EYS: variants seen among roughly 807,000 people sequenced by gnomAD.
EYS encodes EGF-like photoreceptor maintenance factor.
A neutral mutation model predicts 282.1 loss-of-function variants in EYS; 250 were observed. That is an observed-to-expected ratio of 0.89 (90% confidence interval 0.80 to 0.98). EYS has a LOEUF of 0.98. EYS is among the 50% of genes least tolerant of loss of function. The pLI is 0.00. For missense variants in EYS, 4,016 were observed against 3,709.0 expected (o/e 1.08, Z -2.15); for synonymous variants, 1,355 against 1,282.9 (o/e 1.06, Z -1.20).
At chr6:64,373,515 C>G (rs1281407292) in intron 29 of EYS, among the ~76,000 whole-genome samples, 1 of 152,166 alleles carries the variant, frequency 6.6e-6, no homozygotes, top group African/African-American at 2.4e-5. Flanking sequence ...GAATTGGGAC[C>G]ACTGGGTTGG....
chr6:64,690,803 G>A (rs1770353759), intron 22 of EYS, among the ~76,000 whole-genome samples: 2 of 151,962 alleles, frequency 1.3e-5, no homozygotes, highest in South Asian at 4.2e-4. Context: ...CAAAGGATGG[G>A]GAACATCACA....
intron 7 of EYS, among the ~76,000 whole-genome samples, chr6:65,391,628 T>A (rs940450271): frequency 3.3e-5 from 5 of 152,056 alleles, no homozygotes; most frequent in Non-Finnish European, 5.9e-5. Context: ...GTGAAGGACC[T>A]CTTCAAGGAG....
chr6:65,618,058 G>T (rs1392362650), intron 2 of EYS, among the ~76,000 whole-genome samples: 7 of 152,096 alleles, frequency 4.6e-5, no homozygotes, highest in African/African-American at 1.4e-4. Context: ...AGTCCTTTGG[G>T]TATATACCCA....
intron 16 of EYS, among the ~76,000 whole-genome samples, chr6:64,905,464 A>C (rs1049774329): frequency 7.9e-5 from 12 of 152,182 alleles, no homozygotes; most frequent in South Asian, 4.1e-4. Flanking sequence ...ATAAAAGTGA[A>C]GCTTCTTAAA....
At chr6:64,808,084 C>CTCCCTTCCCTTCT (rs1022120035) in intron 22 of EYS, among the ~76,000 whole-genome samples, 2 of 149,546 alleles carry the variant, frequency 1.3e-5, no homozygotes, top group East Asian at 2.0e-4. Flanking sequence ...CCTTCCCTTC[C>CTCCCTTCCCTTCT]TCCCTTCCCT....
In EYS at chr6:64,684,077, C is replaced by T. The variant is rs537589047; in HGVS notation, c.3444-57832G>A. Among the ~76,000 whole-genome samples the T allele has an allele frequency of 4.6e-5, 7 of 152,228 alleles. No homozygotes were observed. The East Asian group carries it at 1.2e-3, about 25-fold the overall frequency. ...TCACTCTTTCTTTTACCTTCACCTT[C>T]GTTTCAGAGCCTTACAATGCATATC... On this transcript the variant is annotated intron_variant, in intron 22 of 42. Coordinates refer to ENST00000503581, the MANE Select transcript of EYS (RefSeq NM_001142800.2).
chr6:65,405,263 C>T lies in EYS; in HGVS notation c.967G>A (p.Gly323Arg). 6.2e-7 allele frequency: 1 copy of T among 1,613,138 alleles called. No individual in the cohort carries two copies. The highest frequency in any genetic ancestry group is 8.5e-7 in the Non-Finnish European group (1 of 1,179,490). Residue 323 changes from glycine to arginine, a missense_variant, in exon 6 of 43, where the codon GGA becomes AGA. Coordinates refer to ENST00000503581, the MANE Select transcript of EYS (RefSeq NM_001142800.2). Reference sequence around the variant, plus strand: ...GTTTCACCATTTTGGCTGGAAGATCCTTTTGGGCATTCATAAGTATAAGCA... The same window carrying T: ...GTTTCACCATTTTGGCTGGAAGATCTTTTTGGGCATTCATAAGTATAAGCA... ...SSAYTYECPKGSSSQNGETDV... is the reference protein window; with the variant it reads ...SSAYTYECPKRSSSQNGETDV...
intron 8 of EYS, among the ~76,000 whole-genome samples, chr6:65,378,766 C>G (rs1002938123): frequency 1.3e-5 from 2 of 151,838 alleles, no homozygotes; most frequent in African/African-American, 4.8e-5. Context: ...CCATCATTCT[C>G]AGCAAACTAA....
chr6:64,737,062 T>C (rs1359914522), intron 22 of EYS, among the ~76,000 whole-genome samples: 1 of 152,224 alleles, frequency 6.6e-6, no homozygotes, highest in Admixed American at 6.5e-5. Context: ...TGTAATGTAC[T>C]ATTTTTTATT....
chr6:64,269,919 C>T (rs1767885939), intron 30 of EYS, among the ~76,000 whole-genome samples: 1 of 151,874 alleles, frequency 6.6e-6, no homozygotes, highest in African/African-American at 2.4e-5. Flanking sequence ...AAAAAAAGGA[C>T]AATTCCTATT....
chr6:64,258,296 C>T (rs2057161), intron 30 of EYS, among the ~76,000 whole-genome samples: 104,422 of 151,818 alleles, frequency 0.69, 35,939 homozygotes, highest in South Asian at 0.71. Flanking sequence ...TGCAAATAAA[C>T]CTCCTGCAGT....
At chr6:64,380,161 T>C (rs913705083) in intron 29 of EYS, among the ~76,000 whole-genome samples, 2 of 152,158 alleles carry the variant, frequency 1.3e-5, no homozygotes, top group East Asian at 3.9e-4. Context: ...ATTATAGACA[T>C]CATTCTCTCT....
intron 12 of EYS, among the ~76,000 whole-genome samples, chr6:65,263,379 A>G (rs1024244129): frequency 2.0e-5 from 3 of 152,094 alleles, no homozygotes; most frequent in Non-Finnish European, 2.9e-5. Flanking sequence ...GAAGTTAAAT[A>G]TGGAGAGTGT....
chr6:63,878,893 G>C (rs1773053457), intron 35 of EYS, among the ~76,000 whole-genome samples: 1 of 152,182 alleles, frequency 6.6e-6, no homozygotes, highest in Non-Finnish European at 1.5e-5. Flanking sequence ...CCCTTGGCTA[G>C]GAAAGGGAAT....
chr6:63,800,083 A>G (rs1390513394), intron 37 of EYS, among the ~76,000 whole-genome samples: 1 of 152,202 alleles, frequency 6.6e-6, no homozygotes, highest in Non-Finnish European at 1.5e-5. Context: ...GAAGGATGAG[A>G]AACACATTGG....
chr6:65,226,765 C>T (rs1225982156), intron 12 of EYS, among the ~76,000 whole-genome samples: 1 of 152,118 alleles, frequency 6.6e-6, no homozygotes, highest in Non-Finnish European at 1.5e-5. Context: ...GAATTTTATT[C>T]CTTGGTATAA....
At chr6:64,343,560 G>T (rs1227554466) in intron 29 of EYS, among the ~76,000 whole-genome samples, 1 of 152,022 alleles carries the variant, frequency 6.6e-6, no homozygotes, top group Non-Finnish European at 1.5e-5. Flanking sequence ...TCAAAGCAGT[G>T]TGTAGAGGGA....
intron 2 of EYS, among the ~76,000 whole-genome samples, chr6:65,607,442 A>G (rs1410118180): frequency 2.0e-5 from 3 of 151,862 alleles, no homozygotes; most frequent in East Asian, 3.9e-4. Flanking sequence ...GAACCAATAC[A>G]ATTAATAAGA....
intron 26 of EYS, among the ~76,000 whole-genome samples, chr6:64,586,360 C>T (rs1002051588): frequency 6.6e-6 from 1 of 152,012 alleles, no homozygotes; most frequent in Admixed American, 6.6e-5. Flanking sequence ...CACAAATAGA[C>T]TAAGACACTT....
Sources: gnomAD v4.1 joint callset for allele counts (sites outside exome capture counted in the v4.1 genomes callset) on GRCh38, gnomAD v4.1.1 for gene constraint, MANE v1.5 for transcripts, NCBI Gene and HGNC (gene_info 2026-07-23, HGNC 2026-07-21) for gene names.